The following DNAH5 variants were observed in gnomAD, a reference collection of about 807,000 sequenced individuals.
DNAH5 encodes axonemal beta dynein heavy chain 5.
DNAH5 carries 372 observed loss-of-function variants against 518.2 expected under a neutral mutation model. The observed-to-expected ratio is 0.72, with a 90% confidence interval of 0.66 to 0.78. DNAH5 has a LOEUF of 0.78. Ranked by LOEUF, DNAH5 falls within the 30% of genes least tolerant of loss-of-function variation. The pLI is 0.00. For missense variants in DNAH5, 5,523 were observed against 5,687.0 expected, an observed-to-expected ratio of 0.97 and a Z score of 0.93; for synonymous variants, 2,039 against 2,025.9, an observed-to-expected ratio of 1.01 and a Z score of -0.17.
rs1202143637 is a variant in DNAH5 at position 13,769,015 on chromosome 5, T to C, written c.9842A>G (p.Glu3281Gly). ...TGGTTTTGCTGCTTCCAGTTTTTCTTCAGCAATGGCTTTGTCTTTAGAGAT... is the reference window on the plus strand; with the variant it reads ...TGGTTTTGCTGCTTCCAGTTTTTCTCCAGCAATGGCTTTGTCTTTAGAGAT... Reference protein sequence around the residue: ...DSISKDKAIAEEKLEAAKPAL... With the variant: ...DSISKDKAIAGEKLEAAKPAL... Residue 3281 changes from glutamate (E) to glycine (G), a missense_variant, in exon 58 of 79, where the codon GAA becomes GGA. Physicochemically the swap from Glu to Gly is moderately conservative, Grantham distance 98. Coordinates refer to ENST00000265104, the MANE Select transcript of DNAH5 (RefSeq NM_001369.3). 3.7e-6 allele frequency: 6 copies of C among 1,614,230 alleles called. No homozygotes were observed. The Admixed American group carries it at 1.0e-4, about 27-fold the overall frequency.
chr5:13,859,146 CA>C (rs958523586), intron 30 of DNAH5, among the ~76,000 whole-genome samples: 1 of 152,104 alleles, frequency 6.6e-6, no homozygotes, highest in Non-Finnish European at 1.5e-5. Flanking sequence ...TACACTGTTC[CA>C]AATTCTACCT....
At chr5:13,893,568 C>A (rs201635294) in intron 16 of DNAH5, among the ~76,000 whole-genome samples, 1 of 152,076 alleles carries the variant, frequency 6.6e-6, no homozygotes, top group East Asian at 1.9e-4. Flanking sequence ...GCAACTCCTT[C>A]TTCACAGAAT....
At position 13,708,189 on chromosome 5, in the gene DNAH5, C is replaced by T; in HGVS notation, c.13272G>A (p.Met4424Ile). The change falls in exon 76 of 79, where the codon ATG becomes ATA. Residue 4424 changes from methionine (M) to isoleucine (I), a missense_variant. By Grantham distance (10) the Met-to-Ile change is conservative. This residue lies in a region of DNAH5 where 387 missense variants were observed against 430.0 expected (regional missense o/e 0.90). Coordinates refer to ENST00000265104, the MANE Select transcript of DNAH5 (RefSeq NM_001369.3). The stretch of plus-strand genomic sequence containing the variant: ...CCAATGCATCTCGCAGATTTTCGCT[C>T]ATGATGATGGTGCCATCAATAGCAA... ...LKLAIDGTII[M>I]SENLRDALDC... is the part of the protein sequence containing the mutation. The T allele has an allele frequency of 2.5e-6, 4 of 1,614,168 alleles. No homozygotes were observed. The highest frequency in any genetic ancestry group is 3.4e-6 in the Non-Finnish European group (4 of 1,180,012).
rs756265303 is a variant in DNAH5, at chr5:13,770,745, T to G, written c.9605+4A>C. On this transcript the variant is annotated splice_donor_region_variant and intron_variant, in intron 56 of 78. Coordinates refer to ENST00000265104, the MANE Select transcript of DNAH5 (RefSeq NM_001369.3). The stretch of plus-strand genomic sequence containing the variant: ...ATAGCTTTGTATAAGAACATCACAC[T>G]TACCTGTTGGCCAGGGTCCGCACCT... 2.5e-6 allele frequency: 4 copies of G among 1,612,342 alleles called. No individual in the cohort carries two copies. In the South Asian group the frequency reaches 4.4e-5, roughly 18 times the overall value.
rs767772143 is a variant in DNAH5, at chr5:13,729,521, G to C, written c.11801C>G (p.Pro3934Arg). 6 of 1,613,672 alleles carry C rather than the reference G, an allele frequency of 3.7e-6. No homozygotes were observed. In the African/African-American group the frequency reaches 8.0e-5, roughly 22 times the overall value. ...TGTTATGTCCAGGATCCATTTTGAT[G>C]GTTTTGGAGGACAAGCTTTAAGGTC... is the stretch of plus-strand genomic sequence containing the variant. ...SLDLKACPPK[P>R]SKWILDITWL... Residue 3934 changes from proline to arginine, a missense_variant, in exon 69 of 79, where the codon CCA becomes CGA. Coordinates refer to ENST00000265104, the MANE Select transcript of DNAH5 (RefSeq NM_001369.3).
chr5:13,758,916 T>C lies in DNAH5; in HGVS notation c.10349A>G (p.Glu3450Gly). Residue 3450 changes from glutamate (E) to glycine (G), a missense_variant, in exon 61 of 79, where the codon GAG (glutamate) becomes GGG (glycine). Physicochemically the swap from Glu to Gly is moderately conservative, Grantham distance 98. This residue lies in a region of DNAH5 where 5,121 missense variants were observed against 5,223.3 expected (regional missense o/e 0.98). Coordinates refer to ENST00000265104, the MANE Select transcript of DNAH5 (RefSeq NM_001369.3). ...AMQDLQKAQAELDDKQAELDV... is the reference protein window; with the variant it reads ...AMQDLQKAQAGLDDKQAELDV... The stretch of plus-strand genomic sequence containing the variant: ...AAGTTCCGCCTGCTTGTCATCCAAC[T>C]CGGCCTGGGCTTTCTGCAGATCCTG... 1 of 1,614,164 alleles carries C rather than the reference T, an allele frequency of 6.2e-7. No homozygotes were observed.
chr5:13,793,779 A>G, intron 48 of DNAH5, 51 bp from the exon 49 acceptor site: 4 of 1,589,702 alleles, frequency 2.5e-6, no homozygotes, highest in African/African-American at 1.3e-5. Context: ...CTATCCCCGG[A>G]GCCTAACTCC....
chr5:13,975,513 G>C (rs143860142), intron 1 of DNAH5, among the ~76,000 whole-genome samples: 1 of 152,328 alleles, frequency 6.6e-6, no homozygotes, highest in Non-Finnish European at 1.5e-5. Flanking sequence ...AGGATTCCAA[G>C]TGAGAAGACA....
chr5:13,764,039 T>C (rs1752152242), intron 59 of DNAH5, among the ~76,000 whole-genome samples: 2 of 152,228 alleles, frequency 1.3e-5, no homozygotes, highest in African/African-American at 2.4e-5. Flanking sequence ...TAGCAGTCAC[T>C]TGAGCAATGC....
At chr5:13,998,123 C>T (rs1007498652) in intron 1 of DNAH5, among the ~76,000 whole-genome samples, 12 of 152,164 alleles carry the variant, frequency 7.9e-5, no homozygotes, top group African/African-American at 1.7e-4. Context: ...GGATTACAGG[C>T]GTGAGCCACC....
rs776446090 is a variant in DNAH5 at position 13,788,938 on chromosome 5, T to C, written c.8449-24A>G. 13 of 1,603,890 alleles carry C rather than the reference T, an allele frequency of 8.1e-6. No homozygotes were observed. In the African/African-American group the frequency reaches 1.1e-4, roughly 13 times the overall value. On this transcript the variant is annotated intron_variant, in intron 50 of 78. Coordinates refer to ENST00000265104, the MANE Select transcript of DNAH5 (RefSeq NM_001369.3). ...TCCTGTTGAAAGTATAATTAAAATGTGTTAGTAATTCCTGTTATGCCGTAA... is the reference window on the plus strand; with the variant it reads ...TCCTGTTGAAAGTATAATTAAAATGCGTTAGTAATTCCTGTTATGCCGTAA...
intron 1 of DNAH5, among the ~76,000 whole-genome samples, chr5:13,999,442 T>A (rs763534075): frequency 2.1e-4 from 32 of 152,246 alleles, no homozygotes; most frequent in Admixed American, 8.5e-4. Context: ...CTCATCTAAG[T>A]GGAATCATGC....
chr5:13,852,540 G>C (rs1767030257), intron 30 of DNAH5, among the ~76,000 whole-genome samples: 4 of 152,148 alleles, frequency 2.6e-5, no homozygotes, highest in Admixed American at 2.6e-4. Context: ...CCCCTGGAAA[G>C]GGGGCTGAAG....
intron 1 of DNAH5, among the ~76,000 whole-genome samples, chr5:13,954,402 T>C (rs1486486362): frequency 6.6e-6 from 1 of 152,238 alleles, no homozygotes; most frequent in Non-Finnish European, 1.5e-5. Flanking sequence ...TACCCTTTTA[T>C]ATGCAATAAG....
Position 13,700,567 on chromosome 5 carries a change from A to G in DNAH5, c.13723+73T>C. On this transcript the variant is annotated intron_variant, in intron 78 of 78. Transcript: ENST00000265104. Reference sequence around the variant, plus strand: ...ATCTCTACTACATGATAACAAAAATAATGAAATCCTGTGTTGATAATGTCA... The same window carrying G: ...ATCTCTACTACATGATAACAAAAATGATGAAATCCTGTGTTGATAATGTCA... 7 of 1,395,752 alleles carry G rather than the reference A, an allele frequency of 5.0e-6. 1 individual carries two copies. Among genetic ancestry groups the G allele is most frequent in the Middle Eastern group, 3.7e-4 (2 of 5,360 alleles). 86.5% of individuals were successfully genotyped at this position (1,395,752 alleles called of 1,614,324 possible).
intron 23 of DNAH5, among the ~76,000 whole-genome samples, 185 bp from the exon 24 acceptor site, chr5:13,871,187 G>T (rs547960018): frequency 6.3e-4 from 96 of 152,158 alleles, no homozygotes; most frequent in African/African-American, 2.2e-3. Flanking sequence ...TTTAAAGTTT[G>T]TTTTTACAAC....
chr5:13,784,637 A>G (rs914513426), intron 52 of DNAH5, among the ~76,000 whole-genome samples: 2 of 152,164 alleles, frequency 1.3e-5, no homozygotes, highest in African/African-American at 4.8e-5. Context: ...AGATTCAGTA[A>G]TTTTTAGAGG....
Position 13,810,087 on chromosome 5 carries a change from G to A in DNAH5, c.7581C>T (p.Thr2527=), listed in dbSNP as rs1047174806. The part of the protein sequence containing the change: ...ELPPPAGPGD[T]AFDYYVAPDG... ...CGGGCGCCACATAGTAGTCGAAGGCGGTGTCCCCGGGCCCCGCTGGCGGCG... is the reference window on the plus strand; with the variant it reads ...CGGGCGCCACATAGTAGTCGAAGGCAGTGTCCCCGGGCCCCGCTGGCGGCG... The change falls in exon 45 of 79, where the codon ACC becomes ACT. Residue 2527 remains threonine, a synonymous_variant. Coordinates refer to ENST00000265104, the MANE Select transcript of DNAH5 (RefSeq NM_001369.3). 6.4e-7 allele frequency: 1 copy of A among 1,552,746 alleles called. No homozygotes were observed. Among genetic ancestry groups the A allele is most frequent in the African/African-American group, 1.4e-5 (1 of 73,328 alleles).
intron 5 of DNAH5, 113 bp from the exon 6 acceptor site, chr5:13,920,730 G>T: frequency 1.8e-6 from 2 of 1,137,554 alleles, no homozygotes; most frequent in Non-Finnish European, 2.6e-6. Context: ...AAGCCCACCA[G>T]GTAGCACATA....
Sources: gnomAD v4.1 joint callset for allele counts (sites outside exome capture counted in the v4.1 genomes callset) on GRCh38, gnomAD v4.1.1 for gene constraint, gnomAD v4.1.1 regional missense constraint, MANE v1.5 for transcripts, NCBI Gene and HGNC (gene_info 2026-07-23, HGNC 2026-07-21) for gene names.